HDAC9: variants seen among roughly 807,000 people sequenced by gnomAD.
HDAC9 encodes histone deacetylase 9.
HDAC9 carries 41 observed loss-of-function variants against 139.4 expected under a neutral mutation model. The ratio of observed to expected loss-of-function variants is 0.29; its 90% CI spans 0.23 to 0.38. The LOEUF is 0.38. Ranked by LOEUF, HDAC9 falls within the 10% of genes least tolerant of loss-of-function variation. The pLI is 1.00. For synonymous variants in HDAC9, 517 were observed against 476.2 expected (o/e 1.09, Z -1.12); for missense variants, 1,147 against 1,297.0 (o/e 0.88, Z 1.78).
At chr7:18,578,023 A>G (rs1276468019) in intron 2 of HDAC9, among the ~76,000 whole-genome samples, 1 of 152,004 alleles carries the variant, frequency 6.6e-6, no homozygotes, top group Admixed American at 6.6e-5. Flanking sequence ...CTCCACCTCC[A>G]TCTCTATCTC....
intron 1 of HDAC9, among the ~76,000 whole-genome samples, chr7:18,342,164 A>C (rs894218990): frequency 5.9e-5 from 9 of 151,824 alleles, no homozygotes; most frequent in African/African-American, 2.2e-4. Flanking sequence ...ACTTCTGTAT[A>C]GGCCTGGAAT....
At chr7:18,551,847 G>A (rs1385526343) in intron 2 of HDAC9, among the ~76,000 whole-genome samples, 3 of 152,182 alleles carry the variant, frequency 2.0e-5, no homozygotes, top group African/African-American at 4.8e-5. Context: ...TCCTTGAGCC[G>A]TTATTTACAG....
At chr7:18,448,117 A>G (rs562570886) in intron 1 of HDAC9, among the ~76,000 whole-genome samples, 2 of 152,290 alleles carry the variant, frequency 1.3e-5, no homozygotes, top group Admixed American at 6.5e-5. Flanking sequence ...CACCCACCTC[A>G]GCCTCCTAAA....
intron 2 of HDAC9, among the ~76,000 whole-genome samples, chr7:18,267,474 T>A (rs1474148268): frequency 6.6e-6 from 1 of 152,046 alleles, no homozygotes; most frequent in African/African-American, 2.4e-5. Context: ...TATTAGTACC[T>A]ACCCTTCTAC....
chr7:18,279,911 C>G (rs1431510398), intron 2 of HDAC9, among the ~76,000 whole-genome samples: 3 of 152,064 alleles, frequency 2.0e-5, no homozygotes, highest in African/African-American at 4.8e-5. Context: ...TTTATCTCTT[C>G]TGGCTAGTGT....
intron 22 of HDAC9, among the ~76,000 whole-genome samples, chr7:18,895,476 G>A (rs188922548): frequency 6.6e-6 from 1 of 152,066 alleles, no homozygotes; most frequent in Non-Finnish European, 1.5e-5. Flanking sequence ...GGAATTGATA[G>A]TATGAAAGAG....
intron 22 of HDAC9, among the ~76,000 whole-genome samples, chr7:18,889,439 T>C (rs17434924): frequency 1.2e-3 from 165 of 140,528 alleles, no homozygotes; most frequent in South Asian, 2.0e-3. Flanking sequence ...TATGGAGTGA[T>C]TTAAAAAAAA....
intron 12 of HDAC9, among the ~76,000 whole-genome samples, chr7:18,706,318 G>C (rs1783915324): frequency 6.6e-6 from 1 of 151,910 alleles, no homozygotes; most frequent in Non-Finnish European, 1.5e-5. Context: ...GCACCCTGAG[G>C]TTAAAGACTT....
chr7:18,564,878 A>G (rs1233261270), intron 2 of HDAC9, among the ~76,000 whole-genome samples: 1 of 152,024 alleles, frequency 6.6e-6, no homozygotes, highest in Non-Finnish European at 1.5e-5. Flanking sequence ...CTTATTTTAA[A>G]CTGGAAAATC....
At chr7:18,153,593 G>T (rs1786947122) in intron 1 of HDAC9, among the ~76,000 whole-genome samples, 1 of 152,172 alleles carries the variant, frequency 6.6e-6, no homozygotes, top group Admixed American at 6.5e-5. Flanking sequence ...GGTGGGGAGG[G>T]TTGCAAAGGG....
chr7:18,930,626 A>G (rs887314108), intron 22 of HDAC9, among the ~76,000 whole-genome samples: 2 of 152,016 alleles, frequency 1.3e-5, no homozygotes, highest in Non-Finnish European at 2.9e-5. Context: ...AATTAAAAAA[A>G]AATACTGAAT....
At chr7:18,110,609 A>C (rs1270309568) in intron 1 of HDAC9, among the ~76,000 whole-genome samples, 1 of 152,170 alleles carries the variant, frequency 6.6e-6, no homozygotes, top group Non-Finnish European at 1.5e-5. Flanking sequence ...GGGCTGTGTA[A>C]GTGCTGGGGT....
At chr7:18,489,605 T>G (rs1796217045) in intron 1 of HDAC9, among the ~76,000 whole-genome samples, 1 of 152,034 alleles carries the variant, frequency 6.6e-6, no homozygotes, top group Non-Finnish European at 1.5e-5. Context: ...CTTCTAAAAC[T>G]GAAAATTCCA....
chr7:18,670,908 A>C (rs1795635702), intron 12 of HDAC9, among the ~76,000 whole-genome samples: 1 of 151,472 alleles, frequency 6.6e-6, no homozygotes, highest in Non-Finnish European at 1.5e-5. Flanking sequence ...GGTTAGATGA[A>C]GGTTCTAATC....
intron 1 of HDAC9, among the ~76,000 whole-genome samples, chr7:18,141,452 TG>T: frequency 6.6e-6 from 1 of 152,152 alleles, no homozygotes; most frequent in Non-Finnish European, 1.5e-5. Context: ...CAGGAAATTT[TG>T]CATAGTAAAT....
chr7:18,376,425 A>T (rs542493549), intron 1 of HDAC9, among the ~76,000 whole-genome samples: 3 of 152,342 alleles, frequency 2.0e-5, no homozygotes, highest in Non-Finnish European at 2.9e-5. Context: ...ATACTTCCTC[A>T]TGCTTCATAT....
intron 15 of HDAC9, among the ~76,000 whole-genome samples, chr7:18,766,756 T>A (rs1789863306): frequency 6.6e-6 from 1 of 152,142 alleles, no homozygotes; most frequent in South Asian, 2.1e-4. Context: ...AGAGCTGAAT[T>A]GGTTAAATTT....
At chr7:18,865,819 T>C (rs1798450456) in intron 21 of HDAC9, among the ~76,000 whole-genome samples, 1 of 152,050 alleles carries the variant, frequency 6.6e-6, no homozygotes, top group African/African-American at 2.4e-5. Flanking sequence ...CTAAAAGAAA[T>C]AAAAGTTTTT....
intron 2 of HDAC9, among the ~76,000 whole-genome samples, chr7:18,205,858 A>G (rs1584626978): frequency 2.0e-5 from 3 of 152,190 alleles, no homozygotes; most frequent in South Asian, 2.1e-4. Context: ...AAAGAAGCCT[A>G]TATTTTGGGT....
Sources: gnomAD v4.1 joint callset for allele counts (sites outside exome capture counted in the v4.1 genomes callset) on GRCh38, gnomAD v4.1.1 for gene constraint, MANE v1.5 for transcripts, NCBI Gene and HGNC (gene_info 2026-07-23, HGNC 2026-07-21) for gene names.